Variants in FREM1 observed in about 807,000 individuals in gnomAD.
The protein encoded by FREM1 is FRAS1 related extracellular matrix 1.
FREM1 carries 220 observed loss-of-function variants against 210.1 expected under a neutral mutation model. The observed-to-expected ratio is 1.05, with a 90% CI of 0.94 to 1.17. The LOEUF (loss-of-function observed/expected upper bound fraction) is 1.17. Among genes scored for constraint, FREM1 ranks in the 50% most tolerant of loss-of-function variants. FREM1 has a pLI of 0.00. For missense variants in FREM1, 3,454 were observed against 2,675.5 expected (o/e 1.29, Z -6.42); for synonymous variants, 1,189 against 980.2 (o/e 1.21, Z -3.98).
intron 1 of FREM1, among the ~76,000 whole-genome samples, chr9:14,898,163 T>G (rs10961780): frequency 0.18 from 27,584 of 152,154 alleles, 3,849 homozygotes; most frequent in African/African-American, 0.38. Context: ...CTTGGTTCCA[T>G]AATTTCTTTG....
At chr9:14,752,359 C>T (rs540007379) in intron 29 of FREM1, among the ~76,000 whole-genome samples, 116 of 152,192 alleles carry the variant, frequency 7.6e-4, no homozygotes, top group African/African-American at 2.8e-3. Context: ...GAGGTCTTGA[C>T]TCGGGAAGGG....
rs538589246 is a variant in FREM1, at chr9:14,835,989, G to A, written c.1881+5458C>T. Among the ~76,000 whole-genome samples the A allele has an allele frequency of 2.0e-5, 3 of 152,326 alleles. No homozygotes were observed. In the South Asian group the frequency reaches 6.2e-4, roughly 32 times the overall value. ...CTTGGAAAAAAGAAAAAAGGGACGG[G>A]TAACGTCAAAATGTGAATCAATATG... On this transcript the variant is annotated intron_variant, in intron 10 of 36. Coordinates refer to ENST00000380880, the MANE Select transcript of FREM1 (RefSeq NM_001379081.2).
At chr9:14,838,734 A>G (rs1825088254) in intron 10 of FREM1, among the ~76,000 whole-genome samples, 1 of 152,326 alleles carries the variant, frequency 6.6e-6, no homozygotes, top group Admixed American at 6.5e-5. Context: ...TAGGTCTAGA[A>G]ACATTGAAAT....
rs576682657 is a variant in FREM1, at chr9:14,750,606, C to T, written c.5408-330G>A. On this transcript the variant is annotated intron_variant, in intron 29 of 36. Transcript: ENST00000380880. ...TGTCCCTTCTCTTCTGAAGAGTAAA[C>T]AAGTATTGCAATCTCAAAATCTTAA... Among the ~76,000 whole-genome samples, 45 of 152,226 alleles carry T rather than the reference C, an allele frequency of 3.0e-4. 1 individual carries two copies. In the South Asian group the frequency reaches 9.3e-3, roughly 32 times the overall value.
chr9:14,851,269 G>C lies in FREM1; in HGVS notation c.1152+15C>G. On this transcript the variant is annotated intron_variant, in intron 6 of 36. Transcript: ENST00000380880. The stretch of plus-strand genomic sequence containing the variant: ...GACTTCTAACTAGGCTGGAAGCTTT[G>C]TCTCTCCTTCTTACCTCATCATGTC... The C allele has an allele frequency of 6.5e-7, 1 of 1,545,802 alleles. No individual in the cohort carries two copies.
intron 1 of FREM1, among the ~76,000 whole-genome samples, chr9:14,892,819 G>A (rs560604114): frequency 6.6e-6 from 1 of 152,104 alleles, no homozygotes; most frequent in African/African-American, 2.4e-5. Flanking sequence ...TCCCCACTCT[G>A]CCCCAGGCAA....
intron 3 of FREM1, among the ~76,000 whole-genome samples, chr9:14,861,238 TAC>T (rs1335529921): frequency 0.22 from 21,688 of 96,884 alleles, 4,370 homozygotes; most frequent in African/African-American, 0.35. Context: ...TACACATATA[TAC>T]ACACATATAT....
chr9:14,842,731 C>G, intron 8 of FREM1, 71 bp from the exon 9 acceptor site: 1 of 1,107,768 alleles, frequency 9.0e-7, no homozygotes, highest in Non-Finnish European at 1.3e-6. Context: ...GGGAAAGCAT[C>G]AATACAGTAG....
chr9:14,843,117 A>C (rs1176430980), intron 8 of FREM1, among the ~76,000 whole-genome samples: 1 of 152,204 alleles, frequency 6.6e-6, no homozygotes, highest in African/African-American at 2.4e-5. Flanking sequence ...TGAATAGAAC[A>C]AAAAGGAAGA....
chr9:14,860,594 C>CACATATATATATACACAT (rs1480365766), intron 3 of FREM1, among the ~76,000 whole-genome samples: 1 of 84,200 alleles, frequency 1.2e-5, no homozygotes, highest in African/African-American at 6.9e-5. Flanking sequence ...CATATATATA[C>CACATATATATATACACAT]ATATATACAC....
chr9:14,827,241 AAC>A (rs1182810079), intron 10 of FREM1, among the ~76,000 whole-genome samples: 1 of 152,226 alleles, frequency 6.6e-6, no homozygotes, highest in East Asian at 1.9e-4. Context: ...TAGACATACA[AAC>A]AGTAAAGGCC....
intron 21 of FREM1, among the ~76,000 whole-genome samples, chr9:14,793,978 T>C (rs1851883148): frequency 6.6e-6 from 1 of 152,162 alleles, no homozygotes; most frequent in Non-Finnish European, 1.5e-5. Flanking sequence ...CTTATGGAGA[T>C]TAGTGGTCAG....
At chr9:14,747,607 TATAAA>T (rs1842703068) in intron 32 of FREM1, 69 bp downstream of exon 32, 1 of 1,063,182 alleles carries the variant, frequency 9.4e-7, no homozygotes, top group Non-Finnish European at 1.3e-6. Context: ...ATATAAAAAA[TATAAA>T]ATAATAGCTT....
chr9:14,858,254 C>G (rs905739656), intron 4 of FREM1, among the ~76,000 whole-genome samples: 2 of 152,152 alleles, frequency 1.3e-5, no homozygotes, highest in Non-Finnish European at 2.9e-5. Flanking sequence ...CCACCTGAAC[C>G]AACATGCTCT....
rs770374674 is a variant in FREM1, at chr9:14,775,924, G to C, written c.4722C>G (p.Ser1574Arg). The stretch of plus-strand genomic sequence containing the variant: ...CTGAGTGCCGATAGGCCACATTCTT[G>C]CTGTCCACATCCTGCTGGGTGAAAT... ...QHNFTQQDVDSKNVAYRHSGG... is the reference protein window; with the variant it reads ...QHNFTQQDVDRKNVAYRHSGG... The change falls in exon 25 of 37, where the codon AGC (serine) becomes AGG (arginine). Residue 1574 changes from serine (S) to arginine (R), a missense_variant. Physicochemically the swap from Ser to Arg is moderately radical, Grantham distance 110. Transcript: ENST00000380880. 6.2e-7 allele frequency: 1 copy of C among 1,613,962 alleles called. No individual in the cohort carries two copies. Among genetic ancestry groups the C allele is most frequent in the Non-Finnish European group, 8.5e-7 (1 of 1,179,880 alleles).
intron 1 of FREM1, among the ~76,000 whole-genome samples, chr9:14,879,746 A>G (rs140768850): frequency 1.5e-4 from 23 of 152,334 alleles, no homozygotes; most frequent in African/African-American, 5.3e-4. Context: ...TCCATTCGGT[A>G]AAGCAACTCT....
At chr9:14,830,918 C>A (rs900767280) in intron 10 of FREM1, among the ~76,000 whole-genome samples, 5 of 152,162 alleles carry the variant, frequency 3.3e-5, no homozygotes, top group African/African-American at 4.8e-5. Flanking sequence ...AGGCACTCTT[C>A]GCCTCTATAT....
chr9:14,772,404 G>T (rs1002550440), intron 25 of FREM1, among the ~76,000 whole-genome samples: 1 of 151,884 alleles, frequency 6.6e-6, no homozygotes, highest in African/African-American at 2.4e-5. Context: ...AGAACTATCA[G>T]GAATAGTTAA....
In FREM1 at chr9:14,750,188, A is replaced by G. The variant is rs763039567; in HGVS notation, c.5496T>C (p.Pro1832=). 6.2e-6 allele frequency: 10 copies of G among 1,613,740 alleles called. No homozygotes were observed. The South Asian group carries it at 1.1e-4, about 18-fold the overall frequency. ...TCTTTGTGCCAAGAACTGCATTCACAGGGGAGTTCAGAATTACTTCAAAGA... is the reference window on the plus strand; with the variant it reads ...TCTTTGTGCCAAGAACTGCATTCACGGGGGAGTTCAGAATTACTTCAAAGA... The part of the protein sequence containing the change: ...DEVFEVILNS[P]VNAVLGTKTK... The change falls in exon 30 of 37, where the codon CCT becomes CCC. Residue 1832 remains proline (P), a synonymous_variant. Coordinates refer to ENST00000380880, the MANE Select transcript of FREM1 (RefSeq NM_001379081.2).
Sources: gnomAD v4.1 joint callset for allele counts (sites outside exome capture counted in the v4.1 genomes callset) on GRCh38, gnomAD v4.1.1 for gene constraint, MANE v1.5 for transcripts, NCBI Gene and HGNC (gene_info 2026-07-23, HGNC 2026-07-21) for gene names.